TREM1: variants seen among roughly 807,000 people sequenced by gnomAD.
TREM1 encodes the protein triggering receptor expressed on monocytes 1.
TREM1 carries 16 observed loss-of-function variants against 22.4 expected under a neutral mutation model. The observed-to-expected ratio is 0.71, with a 90% CI of 0.48 to 1.08. TREM1 has a LOEUF of 1.08. TREM1 is among the 50% of genes least tolerant of loss of function. The pLI is 0.00. For synonymous variants in TREM1, 110 were observed against 111.6 expected (o/e 0.99, Z 0.09); for missense variants, 283 against 282.9 (o/e 1.00, Z 0.00).
chr6:41,275,738 C>T lies in TREM1; in HGVS notation c.*387G>A, dbSNP rs1178173219. The T allele has an allele frequency of 9.2e-6, 2 of 216,520 alleles. No homozygotes were observed. Among genetic ancestry groups the T allele is most frequent in the Non-Finnish European group, 1.9e-5 (2 of 105,388 alleles). 13.4% of individuals were successfully genotyped at this position (216,520 alleles called of 1,614,324 possible). On this transcript the variant is annotated 3_prime_UTR_variant, in exon 4 of 4. Coordinates refer to ENST00000244709, the MANE Select transcript of TREM1 (RefSeq NM_018643.5). ...TCTGTAGTGGGAGCTCTGTCCAGGT[C>T]AGGCCAAAATTGTATGGTCCAGGGC...
At chr6:41,269,075 C>G (rs922070340), downstream of TREM1, among the ~76,000 whole-genome samples, 1 of 152,182 alleles carries the variant, frequency 6.6e-6, no homozygotes, top group African/African-American at 2.4e-5. Context: ...AGCATATATT[C>G]AAATAGCAGA....
intron 1 of TREM1, among the ~76,000 whole-genome samples, chr6:41,285,848 A>T (rs1161705485): frequency 6.6e-6 from 1 of 152,228 alleles, no homozygotes; most frequent in African/African-American, 2.4e-5. Flanking sequence ...GACTTTGCTC[A>T]AAGTAGAGAG....
chr6:41,277,897 T>C (rs891177230), intron 3 of TREM1, among the ~76,000 whole-genome samples: 68 of 148,676 alleles, frequency 4.6e-4, no homozygotes, highest in Admixed American at 9.0e-4. Flanking sequence ...TAAAACATTT[T>C]TCTTTTTGTC....
In TREM1 at chr6:41,281,016, C is replaced by T. The variant is rs368519218; in HGVS notation, c.544G>A (p.Asp182Asn). ...VTQAPPKSTA[D>N]VSTPDSEINL... is the part of the protein sequence containing the mutation. The stretch of plus-strand genomic sequence containing the variant: ...ATTTCAGAGTCAGGAGTGGAGACAT[C>T]GGCAGTTGACTTGGGTGGAGCTTGG... The change falls in exon 3 of 4, where the codon GAT becomes AAT. Residue 182 changes from aspartate to asparagine, a missense_variant. Transcript: ENST00000244709. The T allele has an allele frequency of 4.8e-5, 77 of 1,614,080 alleles. No homozygotes were observed. The highest frequency in any genetic ancestry group is 6.7e-5 in the African/African-American group (5 of 74,924).
intron 3 of TREM1, among the ~76,000 whole-genome samples, chr6:41,278,958 G>C (rs1473528900): frequency 6.6e-6 from 1 of 152,128 alleles, no homozygotes; most frequent in African/African-American, 2.4e-5. Flanking sequence ...CCTGGGGCTG[G>C]GGTCAGGGAA....
chr6:41,284,269 G>A (rs1471319885), intron 1 of TREM1, among the ~76,000 whole-genome samples: 2 of 152,160 alleles, frequency 1.3e-5, no homozygotes, highest in Non-Finnish European at 2.9e-5. Flanking sequence ...ACCAGGCTAA[G>A]CAATCTACAG....
chr6:41,286,523 T>C lies in TREM1; in HGVS notation c.49+84A>G. On this transcript the variant is annotated intron_variant, in intron 1 of 3. Transcript: ENST00000244709. ...TGGTTGGCTCTATCTTGGATGGCCC[T>C]GTGCTCTGAAGCTTCAACAGAAAAG... 9.4e-6 allele frequency: 14 copies of C among 1,493,276 alleles called. No individual in the cohort carries two copies. In the South Asian group the frequency reaches 1.6e-4, roughly 17 times the overall value. 92.5% of individuals were successfully genotyped at this position (1,493,276 alleles called of 1,614,324 possible).
intron 1 of TREM1, among the ~76,000 whole-genome samples, 177 bp downstream of exon 1, chr6:41,286,430 T>C (rs776955509): frequency 9.2e-5 from 14 of 152,226 alleles, no homozygotes; most frequent in Non-Finnish European, 1.8e-4. Context: ...CTCCTTCTTT[T>C]ACTTTTGTGT....
At chr6:41,278,571 GC>G (rs923010847) in intron 3 of TREM1, among the ~76,000 whole-genome samples, 3 of 151,762 alleles carry the variant, frequency 2.0e-5, no homozygotes, top group African/African-American at 7.3e-5. Flanking sequence ...TACTTGGGAG[GC>G]AAAGGTGGGA....
chr6:41,284,420 G>A (rs921415846), intron 1 of TREM1, among the ~76,000 whole-genome samples: 5 of 152,128 alleles, frequency 3.3e-5, no homozygotes, highest in Admixed American at 6.5e-5. Flanking sequence ...TAGAATTGGG[G>A]ATGCTCATCT....
chr6:41,279,299 G>A (rs956960558), intron 3 of TREM1, among the ~76,000 whole-genome samples: 3 of 152,212 alleles, frequency 2.0e-5, no homozygotes, highest in Non-Finnish European at 4.4e-5. Context: ...CCACTTGCGT[G>A]GGGCCACTTC....
chr6:41,282,850 C>G, intron 1 of TREM1, 99 bp from the exon 2 acceptor site: 1 of 1,133,916 alleles, frequency 8.8e-7, no homozygotes, highest in Non-Finnish European at 1.3e-6. Context: ...TGTCCAACCA[C>G]CCATATTTCA....
At chr6:41,281,426 A>C in intron 2 of TREM1, 1 of 430,444 alleles carries the variant, frequency 2.3e-6, no homozygotes, top group Non-Finnish European at 4.2e-6. Context: ...GGAGAGCAGA[A>C]AGAGAGAAGA....
intron 1 of TREM1, among the ~76,000 whole-genome samples, chr6:41,284,392 C>T (rs867455378): frequency 1.4e-4 from 22 of 152,202 alleles, no homozygotes; most frequent in African/African-American, 4.6e-4. Flanking sequence ...TCTTGGAGTC[C>T]GAACTGGGTT....
Position 41,274,332 on chromosome 6 carries a change from G to C in TREM1, c.*1793C>G, listed in dbSNP as rs774830681. Among the ~76,000 whole-genome samples, 1 of 152,062 alleles carries C rather than the reference G, an allele frequency of 6.6e-6. No homozygotes were observed. The highest frequency in any genetic ancestry group is 1.5e-5 in the Non-Finnish European group (1 of 68,018). ...TTTATGCTCCAGGAGAATCTGATGC[G>C]GTGGCCTAAAGACCTCTGAAAAACA... On this transcript the variant is annotated 3_prime_UTR_variant, in exon 4 of 4. Coordinates refer to ENST00000244709, the MANE Select transcript of TREM1 (RefSeq NM_018643.5).
At chr6:41,280,786 A>C in intron 3 of TREM1, 175 bp downstream of exon 3, 1 of 1,468,092 alleles carries the variant, frequency 6.8e-7, no homozygotes, top group Admixed American at 2.5e-5. Context: ...AGCCTCCCCT[A>C]TTCTCCATCA....
rs1261511017 is a variant in TREM1, at chr6:41,276,132, A to G, written c.698T>C (p.Val233Ala). 1 of 1,613,926 alleles carries G rather than the reference A, an allele frequency of 6.2e-7. No homozygotes were observed. Among genetic ancestry groups the G allele is most frequent in the Admixed American group, 1.7e-5 (1 of 60,024 alleles). Reference sequence around the variant, plus strand: ...TCTCGTGGGTTCGTGGGCCTAGGGTACAAATGACCTCAGCGTGACAGCAAA... The same window carrying G: ...TCTCGTGGGTTCGTGGGCCTAGGGTGCAAATGACCTCAGCGTGACAGCAAA... ...VLFAVTLRSF[V>A]P Residue 233 changes from valine (V) to alanine (A), a missense_variant, in exon 4 of 4, where the codon GTA (valine) becomes GCA (alanine). Transcript: ENST00000244709.
rs745960616 is a variant in TREM1 at position 41,282,748 on chromosome 6, A to C, written c.53T>G (p.Leu18Arg). Reference sequence around the variant, plus strand: ...CTCAGTTAATTTAGTTGCAGCTCGGAGTTCTATAAGCAGGGAAAGAGAATG... The same window carrying C: ...CTCAGTTAATTTAGTTGCAGCTCGGCGTTCTATAAGCAGGGAAAGAGAATG... ...GLLWMLFVSE[L>R]RAATKLTEEK... Residue 18 changes from leucine (L) to arginine (R), a missense_variant, in exon 2 of 4, where the codon CTC (leucine) becomes CGC (arginine). Coordinates refer to ENST00000244709, the MANE Select transcript of TREM1 (RefSeq NM_018643.5). 6.4e-5 allele frequency: 103 copies of C among 1,610,946 alleles called. No homozygotes were observed. Among genetic ancestry groups the C allele is most frequent in the Non-Finnish European group, 8.5e-5 (100 of 1,178,428 alleles).
At chr6:41,282,156 A>G (rs1767946659) in intron 2 of TREM1, 3 of 470,192 alleles carry the variant, frequency 6.4e-6, no homozygotes, top group Non-Finnish European at 7.5e-6. Context: ...TCCCAAATCT[A>G]CCACTCACCT....
Sources: allele counts gnomAD v4.1 joint callset (sites outside exome capture counted in the v4.1 genomes callset), GRCh38; gene constraint gnomAD v4.1.1; transcripts MANE v1.5; gene names NCBI Gene and HGNC (gene_info 2026-07-23, HGNC 2026-07-21).